CHCHD3: variants seen among roughly 807,000 people sequenced by gnomAD.
CHCHD3 encodes MICOS complex subunit MIC19.
A neutral mutation model predicts 38.2 loss-of-function variants in CHCHD3; 20 were observed. The ratio of observed to expected loss-of-function variants is 0.52; its 90% CI spans 0.37 to 0.76. The LOEUF is 0.76. Ranked by LOEUF, CHCHD3 falls within the 30% of genes least tolerant of loss-of-function variation. The probability of loss-of-function intolerance (pLI) is 0.00; values close to 1 mark genes in which losing one functional copy is unlikely to be tolerated. For missense variants in CHCHD3, 245 were observed against 279.2 expected, an observed-to-expected ratio of 0.88 and a Z score of 0.87; for synonymous variants, 82 against 100.0, an observed-to-expected ratio of 0.82 and a Z score of 1.07.
chr7:132,993,775 C>A (rs1358583253), intron 3 of CHCHD3, among the ~76,000 whole-genome samples: 1 of 152,166 alleles, frequency 6.6e-6, no homozygotes, highest in Non-Finnish European at 1.5e-5. Context: ...AAAAGGTTAT[C>A]TCAGGAACAG....
chr7:132,864,231 G>A (rs909717504), intron 5 of CHCHD3, among the ~76,000 whole-genome samples: 1 of 152,170 alleles, frequency 6.6e-6, no homozygotes, highest in Non-Finnish European at 1.5e-5. Context: ...TCATTGTAGG[G>A]TTATTAATTG....
At chr7:132,983,981 C>T (rs1344136348) in intron 3 of CHCHD3, among the ~76,000 whole-genome samples, 1 of 148,396 alleles carries the variant, frequency 6.7e-6, no homozygotes, top group Non-Finnish European at 1.5e-5. Context: ...TCTCCCTCTC[C>T]CTCCTCTCCC....
chr7:132,848,601 G>A (rs1296501038), intron 5 of CHCHD3, among the ~76,000 whole-genome samples: 1 of 151,968 alleles, frequency 6.6e-6, no homozygotes, highest in Admixed American at 6.6e-5. Context: ...TAAAAGCTAT[G>A]GTTTTTTTTA....
chr7:133,055,886 T>C (rs970665430), intron 2 of CHCHD3, among the ~76,000 whole-genome samples: 3 of 152,066 alleles, frequency 2.0e-5, no homozygotes, highest in Non-Finnish European at 2.9e-5. Flanking sequence ...CTCACACCTG[T>C]AATCACGCCT....
intron 4 of CHCHD3, among the ~76,000 whole-genome samples, chr7:132,945,849 A>ATTGTTCAATGCAATCTACATAAACACCAG (rs2117278213): frequency 6.6e-6 from 1 of 152,034 alleles, no homozygotes; most frequent in African/African-American, 2.4e-5. Context: ...CTTCCTAAAG[A>ATTGTTCAATGCAATCTACATAAACACCAG]TTGTTCAATG....
intron 6 of CHCHD3, among the ~76,000 whole-genome samples, chr7:132,837,527 A>AT (rs1807817331): frequency 6.6e-6 from 1 of 152,238 alleles, no homozygotes; most frequent in African/African-American, 2.4e-5. Context: ...TTTTATTTTA[A>AT]TCCACATTAC....
intron 1 of CHCHD3, among the ~76,000 whole-genome samples, chr7:133,079,606 C>G (rs1584692801): frequency 6.6e-6 from 1 of 152,142 alleles, no homozygotes; most frequent in African/African-American, 2.4e-5. Context: ...GATGGTATTA[C>G]CGTTTATGGA....
chr7:133,009,006 C>T (rs1018927538), intron 3 of CHCHD3, among the ~76,000 whole-genome samples: 1 of 149,460 alleles, frequency 6.7e-6, no homozygotes, highest in Non-Finnish European at 1.5e-5. Context: ...AAAACCAGAA[C>T]ACAAAGGTAG....
intron 4 of CHCHD3, among the ~76,000 whole-genome samples, chr7:132,965,189 C>T (rs1173067293): frequency 2.6e-5 from 4 of 152,030 alleles, no homozygotes; most frequent in Non-Finnish European, 5.9e-5. Context: ...AAGTCCATTT[C>T]CCTTTCTAAT....
At chr7:132,960,143 C>T (rs6951454) in intron 4 of CHCHD3, among the ~76,000 whole-genome samples, 40,703 of 151,932 alleles carry the variant, frequency 0.27, 5,756 homozygotes, top group African/African-American at 0.34. Context: ...ACCGCATGCA[C>T]TTGTACCATG....
At chr7:132,926,728 C>T (rs1159113113) in intron 4 of CHCHD3, among the ~76,000 whole-genome samples, 1 of 152,168 alleles carries the variant, frequency 6.6e-6, no homozygotes, top group Non-Finnish European at 1.5e-5. Flanking sequence ...GGCACATCTT[C>T]CCACATACTT....
chr7:132,846,081 T>C (rs970164186), intron 5 of CHCHD3, among the ~76,000 whole-genome samples: 2 of 152,228 alleles, frequency 1.3e-5, no homozygotes, highest in African/African-American at 4.8e-5. Context: ...CACCATGCTT[T>C]ACTCTTTTCT....
At chr7:133,032,278 T>G (rs1813524867) in intron 2 of CHCHD3, among the ~76,000 whole-genome samples, 2 of 152,086 alleles carry the variant, frequency 1.3e-5, no homozygotes, top group Admixed American at 6.5e-5. Flanking sequence ...ATCTTAAGAG[T>G]GCCTTCAAAA....
intron 3 of CHCHD3, among the ~76,000 whole-genome samples, chr7:133,022,757 A>G (rs1813224770): frequency 6.6e-6 from 1 of 151,912 alleles, no homozygotes; most frequent in African/African-American, 2.4e-5. Context: ...CACCTGAGAT[A>G]TGAAATTGGC....
intron 4 of CHCHD3, among the ~76,000 whole-genome samples, chr7:132,931,771 T>C (rs1294207579): frequency 1.3e-5 from 2 of 152,168 alleles, no homozygotes; most frequent in African/African-American, 4.8e-5. Flanking sequence ...GTAAATGAGC[T>C]TGTAAATTTT....
chr7:132,821,971 C>A (rs911698529), intron 6 of CHCHD3, among the ~76,000 whole-genome samples: 3 of 151,990 alleles, frequency 2.0e-5, no homozygotes, highest in African/African-American at 7.3e-5. Flanking sequence ...ACCTTGTTAG[C>A]CAGGATGGTC....
At chr7:132,898,640 G>A (rs1388662358) in intron 4 of CHCHD3, among the ~76,000 whole-genome samples, 1 of 152,278 alleles carries the variant, frequency 6.6e-6, no homozygotes, top group African/African-American at 2.4e-5. Flanking sequence ...ATGGGACTGG[G>A]CGCTGTGGAG....
intron 3 of CHCHD3, among the ~76,000 whole-genome samples, chr7:133,017,469 G>C: frequency 6.6e-6 from 1 of 152,154 alleles, no homozygotes; most frequent in East Asian, 1.9e-4. Flanking sequence ...GAGACACTTC[G>C]ACAAGACTAT....
intron 7 of CHCHD3, among the ~76,000 whole-genome samples, chr7:132,793,306 C>T (rs1806512872): frequency 6.6e-6 from 1 of 152,172 alleles, no homozygotes; most frequent in Non-Finnish European, 1.5e-5. Flanking sequence ...AGTTATGAGG[C>T]TAAGCAGATA....
Sources: allele counts gnomAD v4.1 joint callset (sites outside exome capture counted in the v4.1 genomes callset), GRCh38; gene constraint gnomAD v4.1.1; transcripts MANE v1.5; gene names NCBI Gene and HGNC (gene_info 2026-07-23, HGNC 2026-07-21).